The following GRID2 variants were observed in gnomAD, a reference collection of about 807,000 sequenced individuals.
GRID2 encodes glutamate receptor ionotropic, delta-2.
GRID2 carries 33 observed loss-of-function variants against 114.8 expected under a neutral mutation model. That is an observed-to-expected ratio of 0.29 (90% confidence interval 0.22 to 0.38). The LOEUF is 0.38. GRID2 is among the 10% of genes least tolerant of loss of function. GRID2 has a pLI of 1.00. For missense variants in GRID2, 1,184 were observed against 1,257.7 expected (o/e 0.94, Z 0.89); for synonymous variants, 505 against 449.9 (o/e 1.12, Z -1.55).
At chr4:93,447,893 T>A (rs1247354827) in intron 10 of GRID2, among the ~76,000 whole-genome samples, 1 of 151,976 alleles carries the variant, frequency 6.6e-6, no homozygotes, top group Non-Finnish European at 1.5e-5. Context: ...AATTGAATTC[T>A]TTTACAAAAT....
rs1488969534 is a variant in GRID2 at position 93,771,607 on chromosome 4, A to AT, written c.2602-462dup. Among the ~76,000 whole-genome samples, 3 of 152,174 alleles carry AT rather than the reference A, an allele frequency of 2.0e-5. No homozygotes were observed. The East Asian group carries it at 5.8e-4, about 29-fold the overall frequency. ...TCAGTATGAAATAGCTTACTATATCATTTTTTTCAAGAATGGAAACTTAAG... is the reference window on the plus strand; with the variant it reads ...TCAGTATGAAATAGCTTACTATATCATTTTTTTTCAAGAATGGAAACTTAAG... On this transcript the variant is annotated intron_variant, in intron 15 of 15. Transcript: ENST00000282020.
intron 2 of GRID2, among the ~76,000 whole-genome samples, chr4:92,967,315 A>C (rs1753217953): frequency 6.6e-6 from 1 of 151,992 alleles, no homozygotes; most frequent in Non-Finnish European, 1.5e-5. Context: ...ATTGAATATA[A>C]ACTAAACCAG....
At position 92,741,202 on chromosome 4, in the gene GRID2, C is replaced by T. The variant is rs79074889; in HGVS notation, c.244+150916C>T. Among the ~76,000 whole-genome samples, 1,125 of 152,208 alleles carry T rather than the reference C, an allele frequency of 7.4e-3. 24 individuals are homozygous for T. The East Asian group carries it at 0.074, about 10-fold the overall frequency. On this transcript the variant is annotated intron_variant, in intron 2 of 15. Coordinates refer to ENST00000282020, the MANE Select transcript of GRID2 (RefSeq NM_001510.4). The stretch of plus-strand genomic sequence containing the variant: ...ATTTCCGGTGCCTCAGTTCCTTTCA[C>T]TGTAAAATGGGGAAAGTGATTATTC...
At chr4:92,851,188 A>C (rs971864542) in intron 2 of GRID2, among the ~76,000 whole-genome samples, 4 of 151,940 alleles carry the variant, frequency 2.6e-5, no homozygotes, top group Non-Finnish European at 4.4e-5. Context: ...TTACTGCTAG[A>C]CCTAAAATAT....
intron 9 of GRID2, among the ~76,000 whole-genome samples, chr4:93,408,400 A>G (rs1448605237): frequency 6.6e-6 from 1 of 151,810 alleles, no homozygotes; most frequent in Non-Finnish European, 1.5e-5. Context: ...TGCAAGTGAC[A>G]TTTGTTTCAT....
intron 1 of GRID2, among the ~76,000 whole-genome samples, chr4:92,381,177 C>T (rs1263231113): frequency 6.6e-6 from 1 of 151,968 alleles, no homozygotes; most frequent in Non-Finnish European, 1.5e-5. Flanking sequence ...TTATTATCCC[C>T]ATGTGTAGAT....
intron 13 of GRID2, among the ~76,000 whole-genome samples, chr4:93,552,125 C>A (rs557361630): frequency 6.7e-6 from 1 of 148,898 alleles, no homozygotes; most frequent in Non-Finnish European, 1.5e-5. Context: ...TGAGAACATG[C>A]GGTGTTTGGT....
In GRID2 at chr4:93,473,884, G is replaced by A. The variant is rs368205633; in HGVS notation, c.1859-16755G>A. 7.4e-4 allele frequency among the ~76,000 whole-genome samples: 113 copies of A among 152,102 alleles called. 2 individuals carry two copies. The South Asian group carries it at 0.023, about 31-fold the overall frequency. On this transcript the variant is annotated intron_variant, in intron 11 of 15. Transcript: ENST00000282020. Reference sequence around the variant, plus strand: ...TCTAAGTCTGTGAAACTTGGAAAAAGCAGCAAATACATATTTTTTTCTATT... The same window carrying A: ...TCTAAGTCTGTGAAACTTGGAAAAAACAGCAAATACATATTTTTTTCTATT...
chr4:93,656,840 A>AT (rs1209302281), intron 14 of GRID2, among the ~76,000 whole-genome samples: 2 of 148,194 alleles, frequency 1.3e-5, no homozygotes, highest in African/African-American at 5.0e-5. Context: ...AAAAAAAAAA[A>AT]AAAAAAAAAA....
intron 2 of GRID2, among the ~76,000 whole-genome samples, chr4:92,961,330 C>T (rs1162178885): frequency 6.7e-6 from 1 of 149,032 alleles, no homozygotes; most frequent in Non-Finnish European, 1.5e-5. Flanking sequence ...TGAAGTTCTT[C>T]TTTTGGGGTT....
intron 8 of GRID2, among the ~76,000 whole-genome samples, chr4:93,347,557 T>C (rs1760363269): frequency 6.6e-6 from 1 of 152,160 alleles, no homozygotes; most frequent in East Asian, 1.9e-4. Flanking sequence ...ATTTTCATCA[T>C]AGTGTTTGAC....
chr4:92,785,454 T>C (rs1223553018), intron 2 of GRID2, among the ~76,000 whole-genome samples: 1 of 151,532 alleles, frequency 6.6e-6, no homozygotes. Context: ...GATACGTTTT[T>C]GAGAAATGAG....
intron 2 of GRID2, among the ~76,000 whole-genome samples, chr4:92,924,599 T>C (rs980778304): frequency 1.3e-5 from 2 of 152,098 alleles, no homozygotes; most frequent in Non-Finnish European, 2.9e-5. Flanking sequence ...ATCTTGTAGA[T>C]AGATCGGTCC....
chr4:93,090,491 C>T (rs1477111107), intron 3 of GRID2, among the ~76,000 whole-genome samples: 2 of 152,142 alleles, frequency 1.3e-5, no homozygotes, highest in African/African-American at 4.8e-5. Context: ...AATTCCAGAG[C>T]TGAAGTGGTG....
intron 2 of GRID2, among the ~76,000 whole-genome samples, chr4:93,021,896 C>A (rs1252632598): frequency 6.7e-6 from 1 of 148,376 alleles, no homozygotes; most frequent in African/African-American, 2.5e-5. Context: ...TTTTTAAAAA[C>A]CAAAGCTTTT....
At chr4:93,608,186 G>A (rs981079538) in intron 13 of GRID2, among the ~76,000 whole-genome samples, 23 of 149,146 alleles carry the variant, frequency 1.5e-4, no homozygotes, top group Non-Finnish European at 3.3e-4. Context: ...TAATAAGTTG[G>A]TTAAAAATTC....
At chr4:92,874,150 G>C (rs138289155) in intron 2 of GRID2, among the ~76,000 whole-genome samples, 147 of 152,222 alleles carry the variant, frequency 9.7e-4, no homozygotes, top group Non-Finnish European at 1.8e-3. Flanking sequence ...TGAATATCCA[G>C]ATTTTCTGCT....
intron 2 of GRID2, among the ~76,000 whole-genome samples, chr4:93,022,706 TTAATTA>T (rs1723496049): frequency 6.6e-6 from 1 of 151,960 alleles, no homozygotes; most frequent in South Asian, 2.1e-4. Context: ...CTACCTTTCT[TTAATTA>T]TAAGTATCTA....
At chr4:92,698,645 AAAG>A (rs1308883932) in intron 2 of GRID2, among the ~76,000 whole-genome samples, 6 of 151,886 alleles carry the variant, frequency 4.0e-5, no homozygotes, top group Admixed American at 1.3e-4. Flanking sequence ...TTTAAAAAAA[AAAG>A]AATGGAAAAG....
Sources: gnomAD v4.1 joint callset for allele counts (sites outside exome capture counted in the v4.1 genomes callset) on GRCh38, gnomAD v4.1.1 for gene constraint, MANE v1.5 for transcripts, NCBI Gene and HGNC (gene_info 2026-07-23, HGNC 2026-07-21) for gene names.